LAMC2: variants seen among roughly 807,000 people sequenced by gnomAD.
LAMC2 encodes the protein laminin subunit gamma 2.
In LAMC2, 97 loss-of-function variants were observed where a neutral mutation model predicts 140.2. The observed-to-expected ratio is 0.69, with a 90% CI of 0.59 to 0.82. The LOEUF is 0.82. LAMC2 is among the 40% of genes least tolerant of loss of function. The pLI, the probability that LAMC2 is intolerant of heterozygous loss-of-function variation, is 0.00. For missense variants in LAMC2, 1,402 were observed against 1,476.1 expected, an observed-to-expected ratio of 0.95 and a Z score of 0.82; for synonymous variants, 513 against 540.2, an observed-to-expected ratio of 0.95 and a Z score of 0.70.
intron 20 of LAMC2, 123 bp downstream of exon 20, chr1:183,239,686 G>T: frequency 1.2e-6 from 1 of 823,342 alleles, no homozygotes; most frequent in Non-Finnish European, 1.9e-6. Flanking sequence ...TGGCCCATGG[G>T]AGCCCCAGAT....
At chr1:183,225,575 G>T in intron 7 of LAMC2, 33 bp from the exon 8 acceptor site, 1 of 1,452,744 alleles carries the variant, frequency 6.9e-7, no homozygotes, top group South Asian at 1.1e-5. Flanking sequence ...GTAAGAATCG[G>T]ATTTTTAAAG....
chr1:183,226,662 C>A (rs1182152213), intron 8 of LAMC2, 36 bp from the exon 9 acceptor site: 3 of 1,545,528 alleles, frequency 1.9e-6, no homozygotes, highest in Non-Finnish European at 2.7e-6. Flanking sequence ...TTAGACTGTA[C>A]CACTTGCAAC....
chr1:183,252,649 A>T, the LAMC2 span: 1 of 1,612,430 alleles, frequency 6.2e-7, no homozygotes, highest in African/African-American at 1.3e-5. Flanking sequence ...TGCTAGCCGG[A>T]GGCATTGATG....
intron 3 of LAMC2, among the ~76,000 whole-genome samples, chr1:183,216,339 C>T (rs949848199): frequency 6.6e-5 from 10 of 152,192 alleles, no homozygotes; most frequent in African/African-American, 2.4e-4. Context: ...TCAGAGATCA[C>T]CCCTGCCCCA....
At chr1:183,210,628 A>G (rs1038270996) in intron 2 of LAMC2, among the ~76,000 whole-genome samples, 1 of 152,372 alleles carries the variant, frequency 6.6e-6, no homozygotes, top group Middle Eastern at 3.4e-3. Context: ...TTCAATGCCC[A>G]AAAGCAGACA....
chr1:183,237,329 C>T, intron 17 of LAMC2, 23 bp from the exon 18 acceptor site: 1 of 1,613,710 alleles, frequency 6.2e-7, no homozygotes, highest in Non-Finnish European at 8.5e-7. Flanking sequence ...AAGTCAGACT[C>T]CCTGGTTTCT....
chr1:183,232,145 A>G (rs1175739525), intron 12 of LAMC2, 42 bp from the exon 13 acceptor site: 6 of 1,611,510 alleles, frequency 3.7e-6, no homozygotes, highest in Non-Finnish European at 5.1e-6. Context: ...CCTTGGGTAC[A>G]TGGTCTCCAC....
intron 22 of LAMC2, 59 bp from the exon 23 acceptor site, chr1:183,243,088 T>C: frequency 6.2e-7 from 1 of 1,603,980 alleles, no homozygotes; most frequent in Admixed American, 1.7e-5. Context: ...GGCACGGGTG[T>C]TCAAGGAGAT....
intron 22 of LAMC2, 188 bp downstream of exon 22, chr1:183,240,579 C>T (rs576678818): frequency 1.1e-4 from 156 of 1,438,450 alleles, no homozygotes; most frequent in Admixed American, 1.7e-4. Flanking sequence ...CCTGTTTTAC[C>T]GTTGCTAAGA....
Position 183,244,545 on chromosome 1 carries a change from T to C in LAMC2, c.*1145T>C, listed in dbSNP as rs1322471793. 1 of 152,642 alleles carries C rather than the reference T, an allele frequency of 6.6e-6. No homozygotes were observed. The highest frequency in any genetic ancestry group is 1.5e-5 in the Non-Finnish European group (1 of 68,042). 9.5% of individuals were successfully genotyped at this position (152,642 alleles called of 1,614,324 possible). The stretch of plus-strand genomic sequence containing the variant: ...GAGGAAGACAAGCATTTTTAAAAAA[T>C]AAATTTAAACTTACAAACTTTGTTT... On this transcript the variant is annotated 3_prime_UTR_variant, in exon 23 of 23. Transcript: ENST00000264144.
At chr1:183,222,322 G>C in intron 6 of LAMC2, 111 bp downstream of exon 6, 1 of 1,198,790 alleles carries the variant, frequency 8.3e-7, no homozygotes, top group South Asian at 1.2e-5. Context: ...GTTCAGGGTA[G>C]CAGCATCTCC....
intron 22 of LAMC2, 42 bp from the exon 23 acceptor site, chr1:183,243,105 A>G: frequency 6.2e-7 from 1 of 1,612,654 alleles, no homozygotes; most frequent in Non-Finnish European, 8.5e-7. Flanking sequence ...AGATCTAACT[A>G]CAGCTTTTCT....
At position 183,207,878 on chromosome 1, in the gene LAMC2, C is replaced by A. The variant is rs747714565; in HGVS notation, c.80-3C>A. ...CGATCTCTTTTGTATGCTTCCTCCC[C>A]AGTCTGTGATTGCAATGGGAAGTCC... On this transcript the variant is annotated splice_region_variant and splice_polypyrimidine_tract_variant and intron_variant, in intron 1 of 22. Coordinates refer to ENST00000264144, the MANE Select transcript of LAMC2 (RefSeq NM_005562.3). 3.7e-6 allele frequency: 6 copies of A among 1,609,984 alleles called. 1 individual carries two copies. The highest frequency in any genetic ancestry group is 5.1e-6 in the Non-Finnish European group (6 of 1,177,402).
the LAMC2 span, among the ~76,000 whole-genome samples, chr1:183,257,888 T>C: frequency 6.6e-6 from 1 of 152,182 alleles, no homozygotes; most frequent in African/African-American, 2.4e-5. Context: ...TTCCTTCCTT[T>C]GGGTTTAGTT....
chr1:183,237,744 T>A (rs372131487), intron 18 of LAMC2, among the ~76,000 whole-genome samples: 5 of 152,088 alleles, frequency 3.3e-5, no homozygotes, highest in African/African-American at 1.2e-4. Flanking sequence ...AAAATAGCTG[T>A]GCATGATGAC....
intron 4 of LAMC2, among the ~76,000 whole-genome samples, chr1:183,219,066 C>T (rs1659380551): frequency 6.6e-6 from 1 of 152,228 alleles, no homozygotes; most frequent in Admixed American, 6.5e-5. Context: ...ACCATCCCCC[C>T]AAGCTGCCGG....
At chr1:183,191,498 CTTTTT>C (rs58871555) in intron 1 of LAMC2, among the ~76,000 whole-genome samples, 1 of 138,886 alleles carries the variant, frequency 7.2e-6, no homozygotes, top group Non-Finnish European at 1.5e-5. Flanking sequence ...AACTTACTGA[CTTTTT>C]TTTTTTTTTT....
chr1:183,209,188 G>A (rs1350191434), intron 2 of LAMC2, among the ~76,000 whole-genome samples: 1 of 151,858 alleles, frequency 6.6e-6, no homozygotes, highest in Non-Finnish European at 1.5e-5. Context: ...TTATCTTTCT[G>A]GCATTATCTA....
intron 22 of LAMC2, chr1:183,240,849 T>C (rs948382879): frequency 4.6e-6 from 1 of 216,702 alleles, no homozygotes; most frequent in Non-Finnish European, 8.3e-6. Flanking sequence ...CTACTTAAGA[T>C]ATTGTTGAAA....
Sources: allele counts gnomAD v4.1 joint callset (sites outside exome capture counted in the v4.1 genomes callset), GRCh38; gene constraint gnomAD v4.1.1; transcripts MANE v1.5; gene names NCBI Gene and HGNC (gene_info 2026-07-23, HGNC 2026-07-21).